Variants in SLC25A48 observed in about 807,000 individuals in gnomAD.
SLC25A48 encodes solute carrier family 25 member 48.
A neutral mutation model predicts 32.2 loss-of-function variants in SLC25A48; 29 were observed. The ratio of observed to expected loss-of-function variants is 0.90; its 90% CI spans 0.67 to 1.23. The LOEUF is 1.23. SLC25A48 is among the 50% of genes most tolerant of loss of function. The pLI is 0.00. For synonymous variants in SLC25A48, 164 were observed against 172.3 expected, an observed-to-expected ratio of 0.95 and a Z score of 0.38; for missense variants, 399 against 422.7, an observed-to-expected ratio of 0.94 and a Z score of 0.49.
chr5:135,612,169 A>G (rs571727883), intron 1 of SLC25A48, among the ~76,000 whole-genome samples: 12 of 152,384 alleles, frequency 7.9e-5, no homozygotes, highest in African/African-American at 2.6e-4. Flanking sequence ...TTTAAAAATT[A>G]CAAAACATTG....
chr5:135,679,568 C>T (rs115705753), intron 3 of SLC25A48, among the ~76,000 whole-genome samples: 1,898 of 152,322 alleles, frequency 0.012, 47 homozygotes, highest in African/African-American at 0.044. Flanking sequence ...CCTGCATTGG[C>T]ATCTGCTGCA....
intron 6 of SLC25A48, 122 bp from the exon 7 acceptor site, chr5:135,879,846 T>C (rs1050076421): frequency 2.2e-6 from 3 of 1,384,070 alleles, no homozygotes; most frequent in Middle Eastern, 2.5e-4. Context: ...CACAGGTCCT[T>C]TGGGCTCTGG....
At chr5:135,734,070 T>C (rs1374365422) in intron 3 of SLC25A48, among the ~76,000 whole-genome samples, 1 of 152,190 alleles carries the variant, frequency 6.6e-6, no homozygotes, top group East Asian at 1.9e-4. Flanking sequence ...AGGCGAATGA[T>C]AACAGGCTTC....
At chr5:135,641,554 A>C (rs1752838340) in intron 3 of SLC25A48, among the ~76,000 whole-genome samples, 1 of 152,164 alleles carries the variant, frequency 6.6e-6, no homozygotes, top group African/African-American at 2.4e-5. Flanking sequence ...TTACATAGTC[A>C]GTTCTTATTA....
intron 3 of SLC25A48, among the ~76,000 whole-genome samples, chr5:135,695,692 G>A (rs1027468934): frequency 6.6e-6 from 1 of 152,196 alleles, no homozygotes; most frequent in African/African-American, 2.4e-5. Context: ...TGCTGGAGGC[G>A]GCTGTGTTTC....
intron 4 of SLC25A48, among the ~76,000 whole-genome samples, chr5:135,826,175 C>T (rs1285058958): frequency 6.6e-6 from 1 of 152,090 alleles, no homozygotes; most frequent in African/African-American, 2.4e-5. Flanking sequence ...GGCAGATTCT[C>T]CCAGCCCCTC....
chr5:135,799,202 C>T (rs1757260550), intron 3 of SLC25A48, among the ~76,000 whole-genome samples: 2 of 151,650 alleles, frequency 1.3e-5, no homozygotes, highest in Admixed American at 1.3e-4. Flanking sequence ...AAGAGAATGC[C>T]ATTACTCCCA....
intron 3 of SLC25A48, among the ~76,000 whole-genome samples, chr5:135,759,273 C>T (rs1458291489): frequency 6.6e-6 from 1 of 152,152 alleles, no homozygotes; most frequent in Non-Finnish European, 1.5e-5. Context: ...GCATTTTCCA[C>T]ATAACAAATG....
chr5:135,863,241 T>C (rs1194616727), intron 4 of SLC25A48, among the ~76,000 whole-genome samples: 1 of 152,156 alleles, frequency 6.6e-6, no homozygotes, highest in East Asian at 1.9e-4. Flanking sequence ...AAATGAAACA[T>C]CTAAGACGGT....
chr5:135,883,522 C>T (rs1762616088), intron 7 of SLC25A48: 46 of 969,392 alleles, frequency 4.7e-5, no homozygotes, highest in Non-Finnish European at 5.6e-5. Flanking sequence ...ATTCCTCTCT[C>T]TCTGTTCAGG....
At chr5:135,617,865 G>T (rs56402736) in intron 1 of SLC25A48, among the ~76,000 whole-genome samples, 5 of 151,506 alleles carry the variant, frequency 3.3e-5, no homozygotes, top group Non-Finnish European at 7.4e-5. Context: ...GTGCCCTAAC[G>T]TATGATTTAT....
chr5:135,674,807 A>G (rs996356357), intron 3 of SLC25A48, among the ~76,000 whole-genome samples: 3 of 152,036 alleles, frequency 2.0e-5, no homozygotes, highest in African/African-American at 7.2e-5. Flanking sequence ...GCTACAATAA[A>G]CATGCATGTG....
At chr5:135,603,093 A>C (rs1446613015) in intron 1 of SLC25A48, among the ~76,000 whole-genome samples, 1 of 152,192 alleles carries the variant, frequency 6.6e-6, no homozygotes, top group East Asian at 1.9e-4. Flanking sequence ...CCCTGACCAA[A>C]TCAAATAGGC....
chr5:135,641,636 T>C (rs1210208854), intron 3 of SLC25A48, among the ~76,000 whole-genome samples: 1 of 152,196 alleles, frequency 6.6e-6, no homozygotes, highest in East Asian at 1.9e-4. Context: ...AATTTGTCCC[T>C]TCTGGCTTGG....
At chr5:135,702,109 C>A (rs1254259449) in intron 3 of SLC25A48, among the ~76,000 whole-genome samples, 3 of 152,262 alleles carry the variant, frequency 2.0e-5, no homozygotes, top group Non-Finnish European at 1.5e-5. Context: ...AAAGTCTATA[C>A]ATTGAGCCAC....
In SLC25A48 at chr5:135,683,924, A is replaced by G. The variant is rs528385988; in HGVS notation, c.-521+48968A>G. Among the ~76,000 whole-genome samples the G allele has an allele frequency of 5.9e-5, 9 of 152,230 alleles. No individual in the cohort carries two copies. The South Asian group carries it at 1.2e-3, about 21-fold the overall frequency. Reference sequence around the variant, plus strand: ...ATTCTCCCTGCAGTGTCAGCAGGCCATGTGGTAAACATGAGCTCTGGTTTC... The same window carrying G: ...ATTCTCCCTGCAGTGTCAGCAGGCCGTGTGGTAAACATGAGCTCTGGTTTC... On this transcript the variant is annotated intron_variant, in intron 3 of 10. Coordinates refer to the SLC25A48 transcript ENST00000646290.
At chr5:135,666,657 C>CAGAGAGAG (rs70976575) in intron 3 of SLC25A48, among the ~76,000 whole-genome samples, 23 of 150,070 alleles carry the variant, frequency 1.5e-4, no homozygotes, top group East Asian at 4.0e-4. Flanking sequence ...TTCAGGGCAT[C>CAGAGAGAG]AGAGAGAGAG....
chr5:135,602,609 T>C (rs201120068), intron 1 of SLC25A48, among the ~76,000 whole-genome samples: 5 of 145,100 alleles, frequency 3.4e-5, no homozygotes, highest in Admixed American at 6.7e-5. Flanking sequence ...TTTTTTTTTT[T>C]CTTTCTTTTT....
chr5:135,830,841 C>G (rs1477993671), upstream of SLC25A48, among the ~76,000 whole-genome samples: 1 of 152,066 alleles, frequency 6.6e-6, no homozygotes, highest in African/African-American at 2.4e-5. Flanking sequence ...TGTGGCAGAG[C>G]CCGAAAATGT....
Sources: gnomAD v4.1 joint callset for allele counts (sites outside exome capture counted in the v4.1 genomes callset) on GRCh38, gnomAD v4.1.1 for gene constraint, MANE v1.5 for transcripts, NCBI Gene and HGNC (gene_info 2026-07-23, HGNC 2026-07-21) for gene names.